DPH6: variants seen among roughly 807,000 people sequenced by gnomAD.
The protein encoded by DPH6 is diphthine--ammonia ligase.
DPH6 carries 33 observed loss-of-function variants against 38.2 expected under a neutral mutation model. The ratio of observed to expected loss-of-function variants is 0.86; its 90% CI spans 0.65 to 1.15. The LOEUF is 1.15. DPH6 is among the 50% of genes most tolerant of loss of function. DPH6 has a pLI of 0.00. For missense variants in DPH6, 325 were observed against 320.0 expected, an observed-to-expected ratio of 1.02 and a Z score of -0.12; for synonymous variants, 108 against 103.0, an observed-to-expected ratio of 1.05 and a Z score of -0.30.
At chr15:35,163,920 T>C in the DPH6 span, among the ~76,000 whole-genome samples, 2 of 151,814 alleles carry the variant, frequency 1.3e-5, no homozygotes, top group South Asian at 4.2e-4. Context: ...GTTCTACTCA[T>C]ATACTATAAT....
chr15:35,228,325 T>C (rs1179583571), intron 3 of DPH6, among the ~76,000 whole-genome samples: 1 of 152,236 alleles, frequency 6.6e-6, no homozygotes, highest in African/African-American at 2.4e-5. Flanking sequence ...GATTGGTTCA[T>C]TGTTTAGTCT....
downstream of DPH6, among the ~76,000 whole-genome samples, chr15:35,367,596 G>A (rs953391069): frequency 6.6e-6 from 1 of 151,688 alleles, no homozygotes; most frequent in Non-Finnish European, 1.5e-5. Context: ...ATATTTCTCC[G>A]TTTTTATCTC....
intron 3 of DPH6, among the ~76,000 whole-genome samples, chr15:35,512,424 A>G (rs541322639): frequency 6.6e-6 from 1 of 152,262 alleles, no homozygotes; most frequent in East Asian, 1.9e-4. Flanking sequence ...GTCTATACCT[A>G]TATCTGTGTT....
At chr15:35,359,210 G>A (rs1051985234) in intron 3 of DPH6, among the ~76,000 whole-genome samples, 6 of 152,034 alleles carry the variant, frequency 3.9e-5, no homozygotes, top group African/African-American at 1.2e-4. Context: ...GCAAACCCAA[G>A]GGCCGGTCTC....
In DPH6 at chr15:35,279,068, A is replaced by AATATATAT. The variant is rs1555390827; in HGVS notation, n.201-58494_201-58487dup. The stretch of plus-strand genomic sequence containing the variant: ...TGTCTCAAAAAAAAAAAAAAAAAAA[A>AATATATAT]ATATATATATATATATAATTTTGGA... On this transcript the variant is annotated intron_variant and non_coding_transcript_variant, in intron 3 of 3. Coordinates refer to the DPH6 transcript ENST00000560386. Among the ~76,000 whole-genome samples the AATATATAT allele has an allele frequency of 2.8e-4, 29 of 102,972 alleles. 1 individual carries two copies. Among genetic ancestry groups the AATATATAT allele is most frequent in the Middle Eastern group, 5.7e-3 (1 of 176 alleles). The allele number at this position is 102,972 out of a possible 152,430, so 67.6% of individuals were successfully genotyped here.
chr15:35,174,701 T>C, the DPH6 span, among the ~76,000 whole-genome samples: 36 of 152,326 alleles, frequency 2.4e-4, no homozygotes, highest in African/African-American at 8.7e-4. Context: ...TCAAAGCTCC[T>C]TGAGTTCCTT....
chr15:35,511,723 A>G (rs1479536009), intron 3 of DPH6, among the ~76,000 whole-genome samples: 2 of 152,120 alleles, frequency 1.3e-5, no homozygotes, highest in African/African-American at 4.8e-5. Flanking sequence ...AAAGTGTCAC[A>G]GAAGGAAATA....
At chr15:35,394,232 A>G (rs1690224328) in intron 6 of DPH6, among the ~76,000 whole-genome samples, 1 of 152,140 alleles carries the variant, frequency 6.6e-6, no homozygotes, top group African/African-American at 2.4e-5. Context: ...TACTATCACT[A>G]CTAATTAAAG....
At chr15:35,230,155 G>A (rs1226676419) in intron 3 of DPH6, among the ~76,000 whole-genome samples, 1 of 152,186 alleles carries the variant, frequency 6.6e-6, no homozygotes, top group African/African-American at 2.4e-5. Flanking sequence ...TCATCTGGGA[G>A]CCAGGGACTA....
the DPH6 span, among the ~76,000 whole-genome samples, chr15:35,169,008 G>A: frequency 6.6e-6 from 1 of 152,020 alleles, no homozygotes; most frequent in Non-Finnish European, 1.5e-5. Flanking sequence ...TTAAATGTTA[G>A]CTCTAGAAAG....
Position 35,478,404 on chromosome 15 carries a change from C to CACACACAT in DPH6, c.313-23585_313-23584insATGTGTGT, listed in dbSNP as rs1337564814. 4.0e-4 allele frequency among the ~76,000 whole-genome samples: 55 copies of CACACACAT among 136,336 alleles called. No homozygotes were observed. In the East Asian group the frequency reaches 9.8e-3, roughly 24 times the overall value. The allele number at this position is 136,336 out of a possible 152,430, so 89.4% of individuals were successfully genotyped here. A position where few individuals can be genotyped will look rare whatever the true frequency, so the allele number is the denominator to read the frequency against. Reference sequence around the variant, plus strand: ...ACACACACACACACACACACACACACAAAGATTGTAAAAATATGCAGTGGA... The same window carrying CACACACAT: ...ACACACACACACACACACACACACACACACACATAAAGATTGTAAAAATATGCAGTGGA... On this transcript the variant is annotated intron_variant, in intron 3 of 8. Coordinates refer to ENST00000256538, the MANE Select transcript of DPH6 (RefSeq NM_080650.4).
At chr15:35,237,729 T>C (rs1364454850) in intron 3 of DPH6, 1 of 1,611,380 alleles carries the variant, frequency 6.2e-7, no homozygotes, top group Non-Finnish European at 8.5e-7. Context: ...CGAGAAAATG[T>C]GTTCAAGCTC....
intron 3 of DPH6, among the ~76,000 whole-genome samples, chr15:35,363,527 T>C (rs1388883365): frequency 6.6e-6 from 1 of 152,122 alleles, no homozygotes; most frequent in Non-Finnish European, 1.5e-5. Context: ...GTGGTGTCTC[T>C]TTCAAAGAGC....
intron 3 of DPH6, among the ~76,000 whole-genome samples, chr15:35,308,007 C>G (rs993518590): frequency 6.6e-6 from 1 of 152,158 alleles, no homozygotes; most frequent in Non-Finnish European, 1.5e-5. Flanking sequence ...CATGGTGGCT[C>G]ACACCTGTAA....
chr15:35,472,244 C>T (rs1719729058), intron 3 of DPH6, among the ~76,000 whole-genome samples: 1 of 151,972 alleles, frequency 6.6e-6, no homozygotes, highest in Non-Finnish European at 1.5e-5. Context: ...AACTGAGAAA[C>T]CAAAGAGGGA....
chr15:35,388,984 T>C (rs1015252734), intron 6 of DPH6, among the ~76,000 whole-genome samples: 1 of 152,212 alleles, frequency 6.6e-6, no homozygotes, highest in African/African-American at 2.4e-5. Flanking sequence ...CATTTAGTGC[T>C]ATAAATTTCC....
At chr15:35,347,550 T>C (rs958671954) in intron 3 of DPH6, among the ~76,000 whole-genome samples, 7 of 137,472 alleles carry the variant, frequency 5.1e-5, no homozygotes, top group Non-Finnish European at 1.1e-4. Flanking sequence ...GACATTTAGG[T>C]TGCTTCCACA....
chr15:35,189,805 T>G, the DPH6 span, among the ~76,000 whole-genome samples: 1 of 152,230 alleles, frequency 6.6e-6, no homozygotes, highest in African/African-American at 2.4e-5. Flanking sequence ...GGTTGAGACT[T>G]AAATATCCTT....
chr15:35,299,051 T>G, intron 3 of DPH6: 1 of 711,496 alleles, frequency 1.4e-6, no homozygotes, highest in Non-Finnish European at 2.5e-6. Flanking sequence ...TTTCTTCTCT[T>G]TCTTCTATTT....
Sources: gnomAD v4.1 joint callset for allele counts (sites outside exome capture counted in the v4.1 genomes callset) on GRCh38, gnomAD v4.1.1 for gene constraint, MANE v1.5 for transcripts, NCBI Gene and HGNC (gene_info 2026-07-23, HGNC 2026-07-21) for gene names.